TLK2: variants seen among roughly 807,000 people sequenced by gnomAD.
The protein encoded by TLK2 is serine/threonine-protein kinase tousled-like 2.
A neutral mutation model predicts 117.3 loss-of-function variants in TLK2; 6 were observed. That is an observed-to-expected ratio of 0.05 (90% CI 0.03 to 0.10). TLK2 has a LOEUF of 0.10. Ranked by LOEUF, TLK2 falls within the 10% of genes least tolerant of loss-of-function variation. TLK2 has a pLI of 1.00. For synonymous variants in TLK2, 257 were observed against 316.7 expected, an observed-to-expected ratio of 0.81 and a Z score of 2.00; for missense variants, 299 against 901.2, an observed-to-expected ratio of 0.33 and a Z score of 8.56.
At chr17:62,585,299 T>C (rs1168495324) in intron 15 of TLK2, among the ~76,000 whole-genome samples, 1 of 152,204 alleles carries the variant, frequency 6.6e-6, no homozygotes, top group East Asian at 1.9e-4. Flanking sequence ...TCCCAGCACT[T>C]TGGGAGGCCG....
At chr17:62,532,467 A>T (rs1482799999) in intron 6 of TLK2, among the ~76,000 whole-genome samples, 1 of 152,216 alleles carries the variant, frequency 6.6e-6, no homozygotes, top group African/African-American at 2.4e-5. Context: ...GTAGGACTCT[A>T]CTCATAGATT....
chr17:62,501,763 C>T (rs1176346582), intron 2 of TLK2, among the ~76,000 whole-genome samples: 1 of 151,996 alleles, frequency 6.6e-6, no homozygotes, highest in Non-Finnish European at 1.5e-5. Context: ...AGTTTGAGAC[C>T]AGCCTGGGCA....
chr17:62,540,091 TTTC>T (rs1013818970), intron 7 of TLK2, among the ~76,000 whole-genome samples: 2 of 149,464 alleles, frequency 1.3e-5, no homozygotes, highest in East Asian at 1.9e-4. Context: ...TTCTTCTTTC[TTTC>T]TTTTCTTTTT....
At chr17:62,483,446 T>G (rs2071937310) in intron 2 of TLK2, among the ~76,000 whole-genome samples, 1 of 152,232 alleles carries the variant, frequency 6.6e-6, no homozygotes, top group Non-Finnish European at 1.5e-5. Context: ...TAATAGGAAA[T>G]TCTACCTTTA....
chr17:62,562,822 A>G (rs1463175738), intron 10 of TLK2, among the ~76,000 whole-genome samples: 5 of 152,098 alleles, frequency 3.3e-5, no homozygotes, highest in Non-Finnish European at 7.4e-5. Flanking sequence ...ACCCAAGACA[A>G]ACAAAAGCAA....
At chr17:62,545,005 G>A (rs950310384) in intron 7 of TLK2, among the ~76,000 whole-genome samples, 30 of 152,246 alleles carry the variant, frequency 2.0e-4, no homozygotes, top group African/African-American at 7.0e-4. Flanking sequence ...CTCATTGCTA[G>A]AGTATAGAAA....
At chr17:62,476,450 G>A (rs2144204962), upstream of TLK2, among the ~76,000 whole-genome samples, 1 of 152,230 alleles carries the variant, frequency 6.6e-6, no homozygotes, top group Non-Finnish European at 1.5e-5. Flanking sequence ...AGGTGTGGTG[G>A]TGTGCGCCTG....
chr17:62,552,746 G>A (rs548332679), intron 8 of TLK2, among the ~76,000 whole-genome samples: 1 of 151,756 alleles, frequency 6.6e-6, no homozygotes, highest in South Asian at 2.1e-4. Flanking sequence ...TTCTGGCCTG[G>A]GCCTCAGTTT....
At chr17:62,475,120 A>G (rs1322626093), upstream of TLK2, among the ~76,000 whole-genome samples, 2 of 152,222 alleles carry the variant, frequency 1.3e-5, no homozygotes, top group Non-Finnish European at 2.9e-5. Flanking sequence ...AATTGGAAGA[A>G]GAGAGGAAAT....
chr17:62,492,814 C>T (rs1395724492), intron 2 of TLK2, among the ~76,000 whole-genome samples: 2 of 152,024 alleles, frequency 1.3e-5, no homozygotes, highest in Admixed American at 1.3e-4. Context: ...TAATAACTCC[C>T]AGGCCAGGCA....
rs2074790993 is a variant in TLK2 at position 62,507,411 on chromosome 17, A to G, written c.82-13362A>G. On this transcript the variant is annotated intron_variant, in intron 2 of 21. Transcript: ENST00000346027. The stretch of plus-strand genomic sequence containing the variant: ...CTGCAAGGTCTCTGGGAGTCAAACT[A>G]TTTTGATGGCTATTTTGACTCTGGT... 1.3e-5 allele frequency: 2 copies of G among 152,160 alleles called. 1 individual carries two copies. Among genetic ancestry groups the G allele is most frequent in the South Asian group, 4.1e-4 (2 of 4,826 alleles). 9.4% of individuals were successfully genotyped at this position (152,160 alleles called of 1,614,324 possible). A position where few individuals can be genotyped will look rare whatever the true frequency, so the allele number is the denominator to read the frequency against.
At chr17:62,595,283 CTTTTTTT>C (rs770158122) in intron 16 of TLK2, among the ~76,000 whole-genome samples, 4 of 133,352 alleles carry the variant, frequency 3.0e-5, no homozygotes, top group Admixed American at 7.5e-5. Context: ...GCCTGGCCCC[CTTTTTTT>C]TTTTTTTTTT....
chr17:62,556,176 AAGTGCTGGGATTAC>A (rs1190841726), intron 9 of TLK2, among the ~76,000 whole-genome samples: 2 of 152,136 alleles, frequency 1.3e-5, no homozygotes, highest in African/African-American at 4.8e-5. Context: ...TGGTCTGCCA[AAGTGCTGGGATTAC>A]AGGCGTGAGT....
At position 62,510,724 on chromosome 17, in the gene TLK2, C is replaced by G. The variant is rs1404946046; in HGVS notation, c.82-10049C>G. Among the ~76,000 whole-genome samples the G allele has an allele frequency of 2.6e-5, 4 of 152,118 alleles. No individual in the cohort carries two copies. In the East Asian group the frequency reaches 7.7e-4, roughly 29 times the overall value. On this transcript the variant is annotated intron_variant, in intron 2 of 21. Coordinates refer to ENST00000346027, the MANE Select transcript of TLK2 (RefSeq NM_006852.6). ...CTCTCTCATTCTTTGTCCTGATCTC[C>G]TCTCATAAGAATACCAGTTTTAATG...
intron 2 of TLK2, among the ~76,000 whole-genome samples, chr17:62,486,116 G>A (rs751677689): frequency 4.6e-5 from 7 of 151,728 alleles, no homozygotes; most frequent in Non-Finnish European, 8.8e-5. Flanking sequence ...CACTGCACCC[G>A]GCTGCTAGTT....
intron 21 of TLK2, among the ~76,000 whole-genome samples, chr17:62,609,833 C>CT (rs1437963569): frequency 3.3e-5 from 5 of 152,192 alleles, no homozygotes; most frequent in African/African-American, 1.2e-4. Context: ...GTGTTAGTAG[C>CT]TAGGTGCAGC....
intron 17 of TLK2, among the ~76,000 whole-genome samples, chr17:62,597,054 T>C (rs545110885): frequency 2.6e-5 from 4 of 152,340 alleles, no homozygotes; most frequent in Admixed American, 6.5e-5. Flanking sequence ...ATGTAAAATA[T>C]ACAGTTTAGT....
intron 15 of TLK2, chr17:62,585,880 G>A (rs991737189): frequency 3.2e-6 from 1 of 312,308 alleles, no homozygotes. Context: ...GATTCTGAAG[G>A]CAGGGGCTAT....
At chr17:62,557,326 A>C (rs959392904) in intron 9 of TLK2, among the ~76,000 whole-genome samples, 6 of 152,106 alleles carry the variant, frequency 3.9e-5, no homozygotes, top group African/African-American at 1.4e-4. Flanking sequence ...TATTTCCTAG[A>C]TATCACGTCT....
Sources: allele counts gnomAD v4.1 joint callset (sites outside exome capture counted in the v4.1 genomes callset), GRCh38; gene constraint gnomAD v4.1.1; transcripts MANE v1.5; gene names NCBI Gene and HGNC (gene_info 2026-07-23, HGNC 2026-07-21).